The following GRB14 variants were observed in gnomAD, a reference collection of about 807,000 sequenced individuals.
The protein encoded by GRB14 is growth factor receptor-bound protein 14.
GRB14 carries 38 observed loss-of-function variants against 69.1 expected under a neutral mutation model. That is an observed-to-expected ratio of 0.55 (90% CI 0.42 to 0.72). GRB14 has a LOEUF of 0.72. Ranked by LOEUF, GRB14 falls within the 30% of genes least tolerant of loss-of-function variation. The pLI, the probability that GRB14 is intolerant of heterozygous loss-of-function variation, is 0.00. For missense variants in GRB14, 666 were observed against 666.1 expected, an observed-to-expected ratio of 1.00 and a Z score of 0.00; for synonymous variants, 247 against 241.3, an observed-to-expected ratio of 1.02 and a Z score of -0.22.
chr2:164,541,713 A>G (rs1395603977), intron 3 of GRB14, among the ~76,000 whole-genome samples: 1 of 152,104 alleles, frequency 6.6e-6, no homozygotes, highest in Non-Finnish European at 1.5e-5. Flanking sequence ...CTTTTATTTC[A>G]ATTCAAGAAA....
intron 3 of GRB14, among the ~76,000 whole-genome samples, chr2:164,539,406 C>T (rs777158685): frequency 5.3e-5 from 8 of 151,310 alleles, no homozygotes; most frequent in Non-Finnish European, 1.0e-4. Context: ...AGCTGGGAGG[C>T]GGAGGAGGCA....
chr2:164,539,970 T>C (rs1284683534), intron 3 of GRB14: 1 of 152,158 alleles, frequency 6.6e-6, no homozygotes, highest in African/African-American at 2.4e-5. Context: ...TAAAACTAAA[T>C]CACATCATAT....
Position 164,493,043 on chromosome 2 carries a change from G to C in GRB14, c.1616C>G (p.Ala539Gly), listed in dbSNP as rs771608934. The C allele has an allele frequency of 1.2e-6, 2 of 1,612,298 alleles. No homozygotes were observed. The highest frequency in any genetic ancestry group is 2.7e-5 in the African/African-American group (2 of 74,920). ...CKLKHYCARIAL is the reference protein window; with the variant it reads ...CKLKHYCARIGL Reference sequence around the variant, plus strand: ...AAGTCACTTCTGGCTTGTCTAGAGAGCAATCCTAGCACAATAATGTTTCAA... The same window carrying C: ...AAGTCACTTCTGGCTTGTCTAGAGACCAATCCTAGCACAATAATGTTTCAA... Residue 539 changes from alanine (A) to glycine (G), a missense_variant, in exon 14 of 14, where the codon GCT becomes GGT. Physicochemically the swap from Ala to Gly is moderately conservative, Grantham distance 60. Transcript: ENST00000263915.
chr2:164,493,687 G>A (rs929390850), intron 13 of GRB14, among the ~76,000 whole-genome samples: 6 of 151,842 alleles, frequency 4.0e-5, no homozygotes, highest in East Asian at 3.9e-4. Context: ...TAAACAATTC[G>A]TATTTGCTGG....
At position 164,508,486 on chromosome 2, in the gene GRB14, G is replaced by A. The variant is rs372525023; in HGVS notation, c.992C>T (p.Thr331Met). 5.6e-5 allele frequency: 90 copies of A among 1,613,886 alleles called. No individual in the cohort carries two copies. Among genetic ancestry groups the A allele is most frequent in the Non-Finnish European group, 6.9e-5 (81 of 1,179,972 alleles). ...CAATCTAATCGCGGTCACCCAGCACGTCCTACTCTGCTCTTCTTCTGCACA... is the reference window on the plus strand; with the variant it reads ...CAATCTAATCGCGGTCACCCAGCACATCCTACTCTGCTCTTCTTCTGCACA... ...MLCAEEEQSR[T>M]CWVTAIRLLK... The change falls in exon 8 of 14, where the codon ACG becomes ATG. Residue 331 changes from threonine (T) to methionine (M), a missense_variant. By Grantham distance (81) the Thr-to-Met change is moderately conservative. Coordinates refer to ENST00000263915, the MANE Select transcript of GRB14 (RefSeq NM_004490.3).
chr2:164,571,823 T>C (rs1689130360), intron 2 of GRB14, among the ~76,000 whole-genome samples: 1 of 152,174 alleles, frequency 6.6e-6, no homozygotes, highest in South Asian at 2.1e-4. Flanking sequence ...GGGAGAAAAC[T>C]GTAATCTGGC....
In GRB14 at chr2:164,621,334, G is replaced by A. The variant is rs757559953; in HGVS notation, c.-25C>T. On this transcript the variant is annotated 5_prime_UTR_variant, in exon 1 of 14. In the 5' UTR this introduces an upstream ATG that the reference lacks. Transcript: ENST00000263915. The surrounding 1 kb of genome is among the most constrained non-coding windows in gnomAD (Gnocchi z 6.0). ...TTGTCGCCGGCCGGGGGGCTCGGGC[G>A]TCATGGGAGACTCGGCGCGTGGGGA... 5 of 1,277,834 alleles carry A rather than the reference G, an allele frequency of 3.9e-6. No homozygotes were observed. Among genetic ancestry groups the A allele is most frequent in the Non-Finnish European group, 4.9e-6 (5 of 1,012,250 alleles). 79.2% of individuals were successfully genotyped at this position (1,277,834 alleles called of 1,614,324 possible).
chr2:164,565,982 C>T (rs902732973), intron 2 of GRB14, among the ~76,000 whole-genome samples: 16 of 152,124 alleles, frequency 1.1e-4, no homozygotes, highest in African/African-American at 3.6e-4. Context: ...CCTATTGCTA[C>T]GGAGCATTTT....
chr2:164,555,148 A>T (rs1044294909), intron 2 of GRB14, among the ~76,000 whole-genome samples: 1 of 152,252 alleles, frequency 6.6e-6, no homozygotes, highest in Non-Finnish European at 1.5e-5. Flanking sequence ...AAGGCTAAGC[A>T]GTCAGCCTTT....
intron 2 of GRB14, among the ~76,000 whole-genome samples, chr2:164,555,522 G>A (rs1440104661): frequency 1.3e-5 from 2 of 151,638 alleles, no homozygotes; most frequent in African/African-American, 4.8e-5. Flanking sequence ...AGTTATCTAT[G>A]GTTATCTTCT....
At chr2:164,567,197 G>C (rs1011260185) in intron 2 of GRB14, among the ~76,000 whole-genome samples, 7 of 151,968 alleles carry the variant, frequency 4.6e-5, no homozygotes, top group Non-Finnish European at 5.9e-5. Flanking sequence ...TTAGCAAAAG[G>C]CCTCAAGAAA....
chr2:164,557,612 G>C (rs1247350995), intron 2 of GRB14, among the ~76,000 whole-genome samples: 2 of 152,058 alleles, frequency 1.3e-5, no homozygotes, highest in Non-Finnish European at 2.9e-5. Context: ...TCTCACATTT[G>C]AAACCAGGGC....
At chr2:164,528,838 T>A (rs963918012) in intron 3 of GRB14, among the ~76,000 whole-genome samples, 1 of 152,174 alleles carries the variant, frequency 6.6e-6, no homozygotes, top group Non-Finnish European at 1.5e-5. Context: ...TCAAATACAG[T>A]ATGTCTAAAA....
chr2:164,565,262 T>G (rs1688940624), intron 2 of GRB14, among the ~76,000 whole-genome samples: 1 of 130,792 alleles, frequency 7.6e-6, no homozygotes, highest in Non-Finnish European at 1.6e-5. Context: ...GTATAAACTG[T>G]CTTTCTATCA....
At chr2:164,567,884 T>C (rs569268979) in intron 2 of GRB14, among the ~76,000 whole-genome samples, 3 of 152,256 alleles carry the variant, frequency 2.0e-5, no homozygotes, top group Non-Finnish European at 4.4e-5. Flanking sequence ...AATAATTGTA[T>C]AGTCTATTCA....
chr2:164,499,666 AT>A (rs1686999768), intron 9 of GRB14, among the ~76,000 whole-genome samples: 1 of 152,128 alleles, frequency 6.6e-6, no homozygotes, highest in African/African-American at 2.4e-5. Context: ...AAGAAAAAAA[AT>A]AGGTCTGGGT....
intron 2 of GRB14, among the ~76,000 whole-genome samples, chr2:164,614,011 T>C (rs988214921): frequency 6.6e-6 from 1 of 152,158 alleles, no homozygotes; most frequent in Non-Finnish European, 1.5e-5. Flanking sequence ...TCCTATTCAG[T>C]GGGTTTTGCA....
At chr2:164,619,940 AT>A in intron 1 of GRB14, 121 bp from the exon 2 acceptor site, 1 of 752,696 alleles carries the variant, frequency 1.3e-6, no homozygotes, top group Non-Finnish European at 2.2e-6. Flanking sequence ...CTCATATTAT[AT>A]AAAGTATATA....
chr2:164,516,222 G>C (rs182390219), intron 6 of GRB14, among the ~76,000 whole-genome samples: 1 of 151,978 alleles, frequency 6.6e-6, no homozygotes, highest in Non-Finnish European at 1.5e-5. Context: ...AGAACACCTG[G>C]GAAATTAATC....
Sources: gnomAD v4.1 joint callset for allele counts (sites outside exome capture counted in the v4.1 genomes callset) on GRCh38, gnomAD v4.1.1 for gene constraint, Gnocchi (gnomAD v3.1) non-coding constraint, MANE v1.5 for transcripts, NCBI Gene and HGNC (gene_info 2026-07-23, HGNC 2026-07-21) for gene names.